Variants in KLHL1 observed in about 807,000 individuals in gnomAD.
The protein encoded by KLHL1 is kelch-like protein 1.
KLHL1 carries 47 observed loss-of-function variants against 77.7 expected under a neutral mutation model. The observed-to-expected ratio is 0.60, with a 90% CI of 0.48 to 0.77. KLHL1 has a LOEUF of 0.77. KLHL1 is among the 30% of genes least tolerant of loss of function. The probability of loss-of-function intolerance (pLI) is 0.00; values close to 1 mark genes in which losing one functional copy is unlikely to be tolerated. For missense variants in KLHL1, 925 were observed against 910.8 expected (o/e 1.02, Z -0.20); for synonymous variants, 360 against 325.2 (o/e 1.11, Z -1.15).
chr13:69,704,724 G>T (rs1308155427), intron 10 of KLHL1, among the ~76,000 whole-genome samples: 1 of 151,644 alleles, frequency 6.6e-6, no homozygotes, highest in East Asian at 1.9e-4. Flanking sequence ...TCTTGGTCCA[G>T]ATTTATTTAA....
chr13:69,996,417 T>C (rs967531346), intron 1 of KLHL1, among the ~76,000 whole-genome samples: 1 of 152,112 alleles, frequency 6.6e-6, no homozygotes, highest in East Asian at 1.9e-4. Context: ...TTTCAGACAA[T>C]AACTAGATTA....
At chr13:69,799,394 G>A (rs191642408) in intron 6 of KLHL1, among the ~76,000 whole-genome samples, 3 of 152,230 alleles carry the variant, frequency 2.0e-5, no homozygotes, top group Non-Finnish European at 4.4e-5. Flanking sequence ...GGAAAAGTCA[G>A]GAATTGATTT....
At chr13:69,915,050 T>A (rs553459017) in intron 4 of KLHL1, among the ~76,000 whole-genome samples, 27 of 152,070 alleles carry the variant, frequency 1.8e-4, no homozygotes, top group Non-Finnish European at 3.5e-4. Flanking sequence ...TACTGCTCAT[T>A]GGAATGCAAA....
intron 5 of KLHL1, among the ~76,000 whole-genome samples, chr13:69,877,053 A>G (rs148160013): frequency 5.1e-4 from 78 of 152,190 alleles, no homozygotes; most frequent in African/African-American, 1.9e-3. Context: ...AAAAAGATAT[A>G]AACACTACCA....
At chr13:69,922,118 C>T (rs914987298) in intron 4 of KLHL1, among the ~76,000 whole-genome samples, 1 of 151,280 alleles carries the variant, frequency 6.6e-6, no homozygotes, top group Non-Finnish European at 1.5e-5. Flanking sequence ...ATTTGCCTTC[C>T]TTTTTTTTAA....
rs1888117829 is a variant in KLHL1 at position 70,107,958 on chromosome 13, G to T, written c.-259C>A. ...CACCACCAGGCAGGAGCAGAGGCAGGACTGGGACGCCAAAAGCTGAGAATC... is the reference window on the plus strand; with the variant it reads ...CACCACCAGGCAGGAGCAGAGGCAGTACTGGGACGCCAAAAGCTGAGAATC... On this transcript the variant is annotated 5_prime_UTR_variant, in exon 1 of 11. Coordinates refer to ENST00000377844, the MANE Select transcript of KLHL1 (RefSeq NM_020866.3). 1 of 452,146 alleles carries T rather than the reference G, an allele frequency of 2.2e-6. No individual in the cohort carries two copies. The highest frequency in any genetic ancestry group is 3.9e-6 in the Non-Finnish European group (1 of 257,400). 28.0% of individuals were successfully genotyped at this position (452,146 alleles called of 1,614,324 possible).
intron 7 of KLHL1, among the ~76,000 whole-genome samples, chr13:69,783,950 C>T (rs1876370040): frequency 6.6e-6 from 1 of 152,016 alleles, no homozygotes. Flanking sequence ...TCGGGTTACC[C>T]ACAAAGGGAA....
intron 1 of KLHL1, among the ~76,000 whole-genome samples, chr13:70,064,688 T>C (rs370145961): frequency 1.3e-5 from 2 of 152,130 alleles, no homozygotes; most frequent in African/African-American, 2.4e-5. Context: ...ACATATATTC[T>C]GAAAAAAATA....
intron 1 of KLHL1, among the ~76,000 whole-genome samples, chr13:70,042,906 G>C (rs79303832): frequency 0.062 from 9,496 of 152,024 alleles, 868 homozygotes; most frequent in African/African-American, 0.2. Flanking sequence ...TGATGATCTT[G>C]CCCTTGTGTA....
At chr13:69,745,157 T>A (rs1387882929) in intron 7 of KLHL1, among the ~76,000 whole-genome samples, 1 of 151,972 alleles carries the variant, frequency 6.6e-6, no homozygotes, top group Non-Finnish European at 1.5e-5. Context: ...TCCTGATGAG[T>A]GAGTAATGGT....
At chr13:69,835,598 T>G (rs576402343) in intron 6 of KLHL1, among the ~76,000 whole-genome samples, 236 of 152,164 alleles carry the variant, frequency 1.6e-3, no homozygotes, top group African/African-American at 5.5e-3. Context: ...AGATTCAGGC[T>G]CATTAGAGGA....
intron 3 of KLHL1, among the ~76,000 whole-genome samples, chr13:69,948,851 A>T (rs1299915822): frequency 2.0e-5 from 3 of 151,944 alleles, no homozygotes; most frequent in African/African-American, 7.2e-5. Flanking sequence ...TGTGCATTCT[A>T]CCAGAAAAGT....
At chr13:69,810,744 A>G (rs1877842463) in intron 6 of KLHL1, among the ~76,000 whole-genome samples, 2 of 152,118 alleles carry the variant, frequency 1.3e-5, no homozygotes, top group South Asian at 4.1e-4. Flanking sequence ...GGTTAACAAA[A>G]AAAAAGAGAG....
chr13:69,835,324 C>A (rs1018036857), intron 6 of KLHL1, among the ~76,000 whole-genome samples: 5 of 152,024 alleles, frequency 3.3e-5, no homozygotes, highest in African/African-American at 1.2e-4. Flanking sequence ...CATTGCTCGT[C>A]TTACATGAAA....
rs1885295669 is a variant in KLHL1 at position 70,001,689 on chromosome 13, C to CTATCTATCTATG, written c.498-25888_498-25887insCATAGATAGATA. Among the ~76,000 whole-genome samples the CTATCTATCTATG allele has an allele frequency of 2.0e-5, 3 of 150,652 alleles. No homozygotes were observed. The South Asian group carries it at 6.2e-4, about 31-fold the overall frequency. On this transcript the variant is annotated intron_variant, in intron 1 of 10. Transcript: ENST00000377844. ...TCTATCTATCTATCTATCTATCTAT[C>CTATCTATCTATG]TATCTATCATCTTTCTACTATCTTC...
chr13:69,882,582 A>G, intron 4 of KLHL1, 87 bp from the exon 5 acceptor site: 7 of 842,664 alleles, frequency 8.3e-6, no homozygotes, highest in Non-Finnish European at 1.3e-5. Context: ...AGTAGTCAAT[A>G]TCCTTTGTTC....
intron 7 of KLHL1, among the ~76,000 whole-genome samples, chr13:69,788,095 C>T (rs541401864): frequency 2.6e-5 from 4 of 152,360 alleles, no homozygotes; most frequent in Admixed American, 1.3e-4. Context: ...TTGTGGAAGA[C>T]AGTGTGGCGA....
intron 1 of KLHL1, among the ~76,000 whole-genome samples, chr13:69,980,977 C>T (rs190399748): frequency 1.6e-4 from 24 of 152,260 alleles, no homozygotes; most frequent in African/African-American, 5.8e-4. Flanking sequence ...ATACACCACA[C>T]AGATGTGTTG....
chr13:69,782,062 G>A (rs1876244280), intron 7 of KLHL1, among the ~76,000 whole-genome samples: 1 of 152,086 alleles, frequency 6.6e-6, no homozygotes, highest in African/African-American at 2.4e-5. Flanking sequence ...GTTTTTAAGG[G>A]TGAATATCTT....
Sources: gnomAD v4.1 joint callset for allele counts (sites outside exome capture counted in the v4.1 genomes callset) on GRCh38, gnomAD v4.1.1 for gene constraint, MANE v1.5 for transcripts, NCBI Gene and HGNC (gene_info 2026-07-23, HGNC 2026-07-21) for gene names.